CTNND2: variants seen among roughly 807,000 people sequenced by gnomAD.
CTNND2 encodes catenin delta-2.
Under a neutral mutation model 144.4 loss-of-function variants are expected in CTNND2, and 22 were observed. The ratio of observed to expected loss-of-function variants is 0.15; its 90% CI spans 0.11 to 0.22. CTNND2 has a LOEUF of 0.22. CTNND2 is among the 10% of genes least tolerant of loss of function. The probability of loss-of-function intolerance (pLI) is 1.00; values close to 1 mark genes in which losing one functional copy is unlikely to be tolerated. For missense variants in CTNND2, 1,353 were observed against 1,618.8 expected (o/e 0.84, Z 2.82); for synonymous variants, 751 against 695.6 (o/e 1.08, Z -1.25).
intron 18 of CTNND2, among the ~76,000 whole-genome samples, chr5:11,009,008 T>A (rs1740783648): frequency 6.6e-6 from 1 of 152,216 alleles, no homozygotes; most frequent in Non-Finnish European, 1.5e-5. Context: ...CCTTCCAGGG[T>A]CTGTACCTAA....
At chr5:11,562,171 G>A (rs1776734994) in intron 3 of CTNND2, among the ~76,000 whole-genome samples, 1 of 152,082 alleles carries the variant, frequency 6.6e-6, no homozygotes, top group Admixed American at 6.5e-5. Flanking sequence ...AATATGTCTG[G>A]CAGTTGTGAC....
intron 1 of CTNND2, among the ~76,000 whole-genome samples, chr5:11,837,672 TTTTGTTTG>T (rs3036042): frequency 2.6e-5 from 4 of 151,930 alleles, no homozygotes; most frequent in Non-Finnish European, 4.4e-5. Context: ...GGTTTGAAGG[TTTTGTTTG>T]TTTGTTTGTT....
chr5:11,319,825 G>A (rs1346993634), intron 9 of CTNND2, among the ~76,000 whole-genome samples: 3 of 151,466 alleles, frequency 2.0e-5, no homozygotes, highest in Non-Finnish European at 4.4e-5. Flanking sequence ...ATGGCCTGAA[G>A]AAGTCTACAG....
chr5:11,083,620 C>T (rs529961842), intron 15 of CTNND2, among the ~76,000 whole-genome samples: 106 of 152,264 alleles, frequency 7.0e-4, no homozygotes, highest in African/African-American at 2.4e-3. Flanking sequence ...TGCAGGCCCA[C>T]GTTTTCAGAC....
chr5:11,492,587 A>G (rs1020380232), intron 3 of CTNND2, among the ~76,000 whole-genome samples: 13 of 151,696 alleles, frequency 8.6e-5, no homozygotes, highest in African/African-American at 2.9e-4. Flanking sequence ...ATTCCATGAA[A>G]AAGAAATAAA....
At chr5:11,435,051 C>CA (rs1327404305) in intron 3 of CTNND2, among the ~76,000 whole-genome samples, 1 of 151,996 alleles carries the variant, frequency 6.6e-6, no homozygotes, top group Non-Finnish European at 1.5e-5. Flanking sequence ...TATTCAGTGT[C>CA]ACGAGATAAA....
chr5:11,562,880 C>T (rs776373288), intron 3 of CTNND2, among the ~76,000 whole-genome samples: 14 of 152,190 alleles, frequency 9.2e-5, no homozygotes, highest in Admixed American at 2.0e-4. Flanking sequence ...ATACATGAAA[C>T]GTACATTAGG....
intron 9 of CTNND2, among the ~76,000 whole-genome samples, chr5:11,331,933 A>C (rs934824477): frequency 6.6e-6 from 1 of 152,168 alleles, no homozygotes; most frequent in Non-Finnish European, 1.5e-5. Flanking sequence ...TTTCACTACA[A>C]AGAAATCATA....
chr5:11,404,381 G>C (rs1244078965), intron 5 of CTNND2, among the ~76,000 whole-genome samples: 1 of 151,886 alleles, frequency 6.6e-6, no homozygotes, highest in Non-Finnish European at 1.5e-5. Context: ...GTTGATTTTG[G>C]CCTTTTCTGA....
intron 1 of CTNND2, among the ~76,000 whole-genome samples, chr5:11,759,863 A>T (rs1051943067): frequency 6.6e-6 from 1 of 152,056 alleles, no homozygotes; most frequent in African/African-American, 2.4e-5. Context: ...AACCTCCCCA[A>T]GGTGGCAAAG....
At chr5:11,672,603 C>T (rs993740392) in intron 2 of CTNND2, among the ~76,000 whole-genome samples, 1 of 152,174 alleles carries the variant, frequency 6.6e-6, no homozygotes, top group African/African-American at 2.4e-5. Flanking sequence ...CAAGCCTCAG[C>T]AATGGCGGAC....
chr5:11,390,461 T>C (rs2149807450), intron 6 of CTNND2, among the ~76,000 whole-genome samples: 1 of 151,926 alleles, frequency 6.6e-6, no homozygotes, highest in Middle Eastern at 3.4e-3. Flanking sequence ...ACAAAACAAA[T>C]CCCCCCAATG....
intron 1 of CTNND2, among the ~76,000 whole-genome samples, chr5:11,794,748 G>A (rs777403189): frequency 1.3e-4 from 20 of 152,068 alleles, no homozygotes; most frequent in African/African-American, 4.8e-5. Context: ...ATGAGTGATC[G>A]ACAGGATATA....
rs148985394 is a variant in CTNND2 at position 11,491,548 on chromosome 5, C to T, written c.287+73396G>A. Among the ~76,000 whole-genome samples the T allele has an allele frequency of 2.6e-5, 4 of 152,280 alleles. No individual in the cohort carries two copies. In the East Asian group the frequency reaches 5.8e-4, roughly 22 times the overall value. On this transcript the variant is annotated intron_variant, in intron 3 of 21. Coordinates refer to ENST00000304623, the MANE Select transcript of CTNND2 (RefSeq NM_001332.4). ...GGGATTCCAACTACTGGCAGTCTGG[C>T]TCCAGAGTTTAAAATCTTAACCACA...
intron 7 of CTNND2, among the ~76,000 whole-genome samples, chr5:11,376,334 G>GTTCATGTATC (rs1757945779): frequency 2.6e-5 from 4 of 152,116 alleles, no homozygotes; most frequent in Non-Finnish European, 5.9e-5. Context: ...GTGTGTGTGT[G>GTTCATGTATC]TGTGTGTGTG....
intron 2 of CTNND2, among the ~76,000 whole-genome samples, chr5:11,690,742 CAAAAAAAAAAAAAAAAA>C (rs58799389): frequency 1.1e-4 from 4 of 36,560 alleles, no homozygotes; most frequent in South Asian, 2.2e-3. Flanking sequence ...GACTCCGTCT[CAAAAAAAAAAAAAAAAA>C]AAAAAAAAAA....
At chr5:11,246,209 C>T (rs560860450) in intron 9 of CTNND2, among the ~76,000 whole-genome samples, 1 of 152,312 alleles carries the variant, frequency 6.6e-6, no homozygotes, top group East Asian at 1.9e-4. Flanking sequence ...GCAGAATGTA[C>T]TATTTGTCAG....
chr5:11,364,738 G>T lies in CTNND2; in HGVS notation c.1330C>A (p.Pro444Thr). 1.2e-6 allele frequency: 2 copies of T among 1,613,782 alleles called. No individual in the cohort carries two copies. The highest frequency in any genetic ancestry group is 1.7e-6 in the Non-Finnish European group (2 of 1,179,932). The change falls in exon 8 of 22, where the codon CCT becomes ACT. Residue 444 changes from proline to threonine, a missense_variant. Around this residue, in one of 4 missense-constraint regions of CTNND2, gnomAD observed 708 missense variants for 706.4 expected, o/e 1.00. Coordinates refer to ENST00000304623, the MANE Select transcript of CTNND2 (RefSeq NM_001332.4). ...GTGCCGGTGTGTGCTGGCGGCAGAGGGTCCCCCTGGCTCTGGCTGAGACTC... is the reference window on the plus strand; with the variant it reads ...GTGCCGGTGTGTGCTGGCGGCAGAGTGTCCCCCTGGCTCTGGCTGAGACTC... ...MRSLSQSQGDPLPPAHTGTYR... is the reference protein window; with the variant it reads ...MRSLSQSQGDTLPPAHTGTYR...
In CTNND2 at chr5:11,257,623, T is replaced by C. The variant is rs531430547; in HGVS notation, c.1629-20800A>G. 7.2e-5 allele frequency among the ~76,000 whole-genome samples: 11 copies of C among 152,288 alleles called. No individual in the cohort carries two copies. In the South Asian group the frequency reaches 2.3e-3, roughly 32 times the overall value. Reference sequence around the variant, plus strand: ...AACAGCATGGGAGAAACCACCCTTATGATTCAATTACCTCCCACTAGGTTT... The same window carrying C: ...AACAGCATGGGAGAAACCACCCTTACGATTCAATTACCTCCCACTAGGTTT... On this transcript the variant is annotated intron_variant, in intron 9 of 21. Coordinates refer to ENST00000304623, the MANE Select transcript of CTNND2 (RefSeq NM_001332.4).
Sources: allele counts gnomAD v4.1 joint callset (sites outside exome capture counted in the v4.1 genomes callset), GRCh38; gene constraint gnomAD v4.1.1; regional missense constraint gnomAD v4.1.1; transcripts MANE v1.5; gene names NCBI Gene and HGNC (gene_info 2026-07-23, HGNC 2026-07-21).